The following DLG2 variants were observed in gnomAD, a reference collection of about 807,000 sequenced individuals.
DLG2 encodes discs large MAGUK scaffold protein 2, also known as disks large homolog 2.
A neutral mutation model predicts 132.5 loss-of-function variants in DLG2; 45 were observed. That is an observed-to-expected ratio of 0.34 (90% CI 0.27 to 0.44). DLG2 has a LOEUF of 0.44. Among genes scored for constraint, DLG2 ranks in the 20% least tolerant of loss-of-function variants. DLG2 has a pLI of 1.00. For synonymous variants in DLG2, 424 were observed against 419.6 expected, an observed-to-expected ratio of 1.01 and a Z score of -0.13; for missense variants, 1,045 against 1,196.9, an observed-to-expected ratio of 0.87 and a Z score of 1.87.
chr11:84,392,591 A>G (rs2098796366), intron 7 of DLG2, among the ~76,000 whole-genome samples: 1 of 152,222 alleles, frequency 6.6e-6, no homozygotes. Flanking sequence ...ATTTGCAAGC[A>G]TGTATTGAAC....
chr11:85,313,329 C>T (rs1241122047), intron 3 of DLG2, among the ~76,000 whole-genome samples: 1 of 151,872 alleles, frequency 6.6e-6, no homozygotes, highest in African/African-American at 2.4e-5. Flanking sequence ...GGGAAAACTA[C>T]CTAACCATGT....
chr11:84,680,443 A>G (rs1396080217), intron 6 of DLG2, among the ~76,000 whole-genome samples: 1 of 152,092 alleles, frequency 6.6e-6, no homozygotes, highest in Non-Finnish European at 1.5e-5. Context: ...CATAATTCCA[A>G]GGTGAATCTA....
intron 10 of DLG2, among the ~76,000 whole-genome samples, chr11:84,094,926 T>C (rs965148699): frequency 6.6e-6 from 1 of 152,178 alleles, no homozygotes; most frequent in African/African-American, 2.4e-5. Context: ...GTTTAATTTA[T>C]AGGGGTTTTT....
At chr11:83,953,141 G>A (rs535205803) in intron 14 of DLG2, among the ~76,000 whole-genome samples, 7 of 152,252 alleles carry the variant, frequency 4.6e-5, no homozygotes, top group South Asian at 2.1e-4. Context: ...TGATAGTGTC[G>A]TAAGAATGTC....
chr11:84,740,941 A>G (rs117323366), intron 6 of DLG2, among the ~76,000 whole-genome samples: 10,266 of 151,920 alleles, frequency 0.068, 399 homozygotes, highest in Non-Finnish European at 0.088. Flanking sequence ...CACTGTGGGC[A>G]TGGCCCTGGC....
chr11:85,509,767 T>C (rs757332455), intron 3 of DLG2, among the ~76,000 whole-genome samples: 1 of 152,064 alleles, frequency 6.6e-6, no homozygotes, highest in Admixed American at 6.6e-5. Flanking sequence ...TAAAAAGACA[T>C]TAATCTATGA....
At chr11:85,379,451 G>C (rs1390131253) in intron 3 of DLG2, among the ~76,000 whole-genome samples, 1 of 152,124 alleles carries the variant, frequency 6.6e-6, no homozygotes, top group Non-Finnish European at 1.5e-5. Flanking sequence ...CTCAGAAAAA[G>C]CAGATTGACT....
At chr11:83,529,484 C>T (rs569577869) in intron 21 of DLG2, among the ~76,000 whole-genome samples, 14 of 152,122 alleles carry the variant, frequency 9.2e-5, no homozygotes, top group East Asian at 5.8e-4. Context: ...GAGTTACTAA[C>T]GTAAGGCACC....
intron 9 of DLG2, among the ~76,000 whole-genome samples, chr11:84,109,548 T>C (rs1048254682): frequency 6.6e-6 from 1 of 152,212 alleles, no homozygotes; most frequent in Non-Finnish European, 1.5e-5. Context: ...ATGTTGTCAG[T>C]GATACTCCAA....
In DLG2 at chr11:84,793,940, T is replaced by C. The variant is rs187341334; in HGVS notation, c.358-259209A>G. 9.8e-5 allele frequency among the ~76,000 whole-genome samples: 15 copies of C among 152,338 alleles called. No individual in the cohort carries two copies. In the East Asian group the frequency reaches 2.3e-3, roughly 24 times the overall value. The stretch of plus-strand genomic sequence containing the variant: ...AGATCTTACTCCTGCTATTTTGTTA[T>C]TTGTTTTTGGGTTGTTTTGTGTTCT... On this transcript the variant is annotated intron_variant, in intron 6 of 27. Coordinates refer to ENST00000376104, the MANE Select transcript of DLG2 (RefSeq NM_001142699.3).
At chr11:83,553,238 C>T (rs1164611014) in intron 19 of DLG2, among the ~76,000 whole-genome samples, 3 of 152,122 alleles carry the variant, frequency 2.0e-5, no homozygotes, top group Non-Finnish European at 4.4e-5. Context: ...ATGACATCAA[C>T]TCTAAGATTT....
chr11:85,082,735 C>CTTTTTTT (rs71036458), intron 6 of DLG2, among the ~76,000 whole-genome samples: 1 of 113,412 alleles, frequency 8.8e-6, no homozygotes, highest in Non-Finnish European at 1.8e-5. Context: ...TCTTTTCTTT[C>CTTTTTTT]TTTTTTTTTT....
intron 6 of DLG2, among the ~76,000 whole-genome samples, chr11:84,978,389 C>T (rs182146158): frequency 7.9e-4 from 120 of 152,274 alleles, no homozygotes; most frequent in African/African-American, 2.7e-3. Context: ...GGAGGCATCA[C>T]GCTACCTGAC....
chr11:84,593,588 G>A (rs942079547), intron 6 of DLG2, among the ~76,000 whole-genome samples: 1 of 152,146 alleles, frequency 6.6e-6, no homozygotes, highest in African/African-American at 2.4e-5. Flanking sequence ...ATAAGTGGGA[G>A]CTGAACAATG....
At chr11:84,729,583 C>T (rs1418878430) in intron 6 of DLG2, among the ~76,000 whole-genome samples, 1 of 151,514 alleles carries the variant, frequency 6.6e-6, no homozygotes, top group African/African-American at 2.4e-5. Context: ...TTCTGTTCAC[C>T]GTAATTTCTA....
At chr11:83,513,546 G>A (rs2095151818) in intron 21 of DLG2, among the ~76,000 whole-genome samples, 1 of 152,176 alleles carries the variant, frequency 6.6e-6, no homozygotes, top group Admixed American at 6.5e-5. Context: ...GATCCCATTT[G>A]TCAATTTTGG....
chr11:85,324,489 T>C (rs2081300071), intron 3 of DLG2, among the ~76,000 whole-genome samples: 1 of 152,190 alleles, frequency 6.6e-6, no homozygotes, highest in Non-Finnish European at 1.5e-5. Flanking sequence ...ACTAAAATCA[T>C]CTGAACATCT....
chr11:85,146,232 CT>C (rs2076843833), intron 5 of DLG2, among the ~76,000 whole-genome samples: 2 of 100,580 alleles, frequency 2.0e-5, no homozygotes, highest in African/African-American at 8.9e-5. Flanking sequence ...TTCTCCCTCT[CT>C]CTCTCTCTCT....
At chr11:85,107,731 G>A (rs1051991977) in intron 6 of DLG2, among the ~76,000 whole-genome samples, 1 of 151,780 alleles carries the variant, frequency 6.6e-6, no homozygotes, top group Non-Finnish European at 1.5e-5. Flanking sequence ...GGGTAAGGAA[G>A]GCTATCATTC....
Sources: allele counts gnomAD v4.1 joint callset (sites outside exome capture counted in the v4.1 genomes callset), GRCh38; gene constraint gnomAD v4.1.1; transcripts MANE v1.5; gene names NCBI Gene and HGNC (gene_info 2026-07-23, HGNC 2026-07-21).